CFAP96: variants seen among roughly 807,000 people sequenced by gnomAD.
The protein encoded by CFAP96 is cilia-and flagella-associated protein 96.
the CFAP96 span, chr4:185,429,556 C>G: frequency 4.8e-6 from 5 of 1,041,068 alleles, no homozygotes; most frequent in Non-Finnish European, 6.9e-6. Context: ...TGGGTATTTT[C>G]TATATAAAAT....
chr4:185,432,075 A>G, the CFAP96 span: 67 of 1,551,708 alleles, frequency 4.3e-5, no homozygotes, highest in Non-Finnish European at 5.8e-5. Context: ...TTTGATCCCC[A>G]TTTTGTAAGG....
At chr4:185,426,031 A>C in the CFAP96 span, 2 of 755,016 alleles carry the variant, frequency 2.6e-6, no homozygotes, top group African/African-American at 1.7e-5. Context: ...ACCACACCGC[A>C]GTCCCTCGCG....
chr4:185,418,047 A>AAAACACACACACACACAC, the CFAP96 span, among the ~76,000 whole-genome samples: 13 of 142,954 alleles, frequency 9.1e-5, no homozygotes, highest in African/African-American at 3.2e-4. Context: ...TCCATCTCAA[A>AAAACACACACACACACAC]ACACACACAC....
At chr4:185,424,847 C>A in the CFAP96 span, among the ~76,000 whole-genome samples, 1 of 152,166 alleles carries the variant, frequency 6.6e-6, no homozygotes, top group Non-Finnish European at 1.5e-5. Context: ...CACAACTTCC[C>A]AGGGTTGTTA....
chr4:185,440,557 C>T, the CFAP96 span: 1 of 1,519,212 alleles, frequency 6.6e-7, no homozygotes, highest in Admixed American at 2.2e-5. Flanking sequence ...ATGAAGAGCA[C>T]CATCGTTTAC....
At chr4:185,429,344 TAAAA>T in the CFAP96 span, 8 of 873,128 alleles carry the variant, frequency 9.2e-6, no homozygotes, top group African/African-American at 1.8e-5. Context: ...GACTTTGCTA[TAAAA>T]CACGTGACCC....
the CFAP96 span, chr4:185,413,711 A>C: frequency 2.5e-6 from 4 of 1,596,820 alleles, no homozygotes; most frequent in Non-Finnish European, 3.4e-6. Context: ...CCCATAAATA[A>C]TTAGTTAAAC....
At chr4:185,443,629 G>A in the CFAP96 span, among the ~76,000 whole-genome samples, 11 of 151,516 alleles carry the variant, frequency 7.3e-5, no homozygotes, top group Admixed American at 3.3e-4. Flanking sequence ...GATTACAGGC[G>A]TGAGCCACAG....
At chr4:185,428,730 A>G in the CFAP96 span, among the ~76,000 whole-genome samples, 1 of 152,214 alleles carries the variant, frequency 6.6e-6, no homozygotes, top group Non-Finnish European at 1.5e-5. Context: ...AATTCATTGT[A>G]GAATTTTTGT....
At chr4:185,446,257 G>A in the CFAP96 span, among the ~76,000 whole-genome samples, 1 of 152,142 alleles carries the variant, frequency 6.6e-6, no homozygotes, top group African/African-American at 2.4e-5. Flanking sequence ...AAATACCAGT[G>A]CTATGTGTTA....
chr4:185,418,184 A>C, the CFAP96 span, among the ~76,000 whole-genome samples: 1 of 152,170 alleles, frequency 6.6e-6, no homozygotes, highest in Non-Finnish European at 1.5e-5. Flanking sequence ...GTAATTTATA[A>C]ATGTATTTAG....
the CFAP96 span, chr4:185,422,584 G>T: frequency 6.6e-7 from 1 of 1,524,600 alleles, no homozygotes. Flanking sequence ...TAAAGATAAA[G>T]ACAAACTCCC....
chr4:185,449,720 A>T, the CFAP96 span: 1 of 1,014,020 alleles, frequency 9.9e-7, no homozygotes, highest in South Asian at 1.7e-5. Flanking sequence ...TTGAAAAAAT[A>T]TAAGATGTTA....
At chr4:185,411,177 ATAT>A in the CFAP96 span, among the ~76,000 whole-genome samples, 1 of 151,796 alleles carries the variant, frequency 6.6e-6, no homozygotes, top group Non-Finnish European at 1.5e-5. Context: ...GAAAAAGAAA[ATAT>A]TATGACTACA....
chr4:185,413,828 G>A, the CFAP96 span: 2 of 1,613,076 alleles, frequency 1.2e-6, no homozygotes, highest in South Asian at 2.2e-5. Context: ...TAGACCTTTT[G>A]AAATAGGGTC....
chr4:185,432,101 G>A, the CFAP96 span: 2 of 1,551,762 alleles, frequency 1.3e-6, no homozygotes, highest in Non-Finnish European at 8.7e-7. Context: ...TGAAGGTGAA[G>A]GCTACATAAA....
the CFAP96 span, among the ~76,000 whole-genome samples, chr4:185,424,943 C>T: frequency 6.6e-6 from 1 of 152,176 alleles, no homozygotes; most frequent in Non-Finnish European, 1.5e-5. Flanking sequence ...AGAAATAATA[C>T]TGAGGCTGAG....
the CFAP96 span, among the ~76,000 whole-genome samples, chr4:185,428,556 TAAAA>T: frequency 1.4e-5 from 2 of 143,356 alleles, no homozygotes. Context: ...TGGGACTGTC[TAAAA>T]AAAAAAAAAA....
At chr4:185,416,488 C>T in the CFAP96 span, among the ~76,000 whole-genome samples, 6 of 152,092 alleles carry the variant, frequency 3.9e-5, no homozygotes, top group African/African-American at 7.2e-5. Flanking sequence ...AAACTTATTT[C>T]GCAAAATACT....
Sources: allele counts gnomAD v4.1 joint callset (sites outside exome capture counted in the v4.1 genomes callset), GRCh38; gene constraint gnomAD v4.1.1; transcripts MANE v1.5; gene names NCBI Gene and HGNC (gene_info 2026-07-23, HGNC 2026-07-21).